The following NTN4 variants were observed in gnomAD, a reference collection of about 807,000 sequenced individuals.
NTN4 encodes netrin-4.
Under a neutral mutation model 73.6 loss-of-function variants are expected in NTN4, and 32 were observed. The ratio of observed to expected loss-of-function variants is 0.44; its 90% CI spans 0.33 to 0.58. NTN4 has a LOEUF of 0.58. Among genes scored for constraint, NTN4 ranks in the 20% least tolerant of loss-of-function variants. NTN4 has a pLI of 0.04. For synonymous variants in NTN4, 258 were observed against 287.5 expected (o/e 0.90, Z 1.04); for missense variants, 654 against 798.3 (o/e 0.82, Z 2.18).
intron 7 of NTN4, among the ~76,000 whole-genome samples, chr12:95,678,526 C>T (rs898890486): frequency 1.3e-5 from 2 of 152,020 alleles, no homozygotes; most frequent in African/African-American, 4.8e-5. Flanking sequence ...ATGACATTTA[C>T]TTGATAAAGG....
intron 2 of NTN4, among the ~76,000 whole-genome samples, chr12:95,764,389 G>A (rs533574111): frequency 6.6e-6 from 1 of 152,346 alleles, no homozygotes; most frequent in East Asian, 1.9e-4. Flanking sequence ...AGCTGGCCGG[G>A]CACAGTGGCT....
chr12:95,749,624 T>C (rs2078888920), intron 2 of NTN4, among the ~76,000 whole-genome samples: 1 of 152,206 alleles, frequency 6.6e-6, no homozygotes, highest in Non-Finnish European at 1.5e-5. Context: ...CAGCCTTCCC[T>C]TGGTGTTTAA....
intron 9 of NTN4, among the ~76,000 whole-genome samples, chr12:95,664,327 A>C (rs2078162542): frequency 6.6e-6 from 1 of 152,102 alleles, no homozygotes; most frequent in Non-Finnish European, 1.5e-5. Context: ...TAAAGTACTG[A>C]GATTACAGGC....
chr12:95,740,001 G>A (rs1220138582), intron 2 of NTN4: 1 of 152,264 alleles, frequency 6.6e-6, no homozygotes, highest in Non-Finnish European at 1.5e-5. Flanking sequence ...GAGCTGAATG[G>A]CGGCTCTGTG....
chr12:95,693,735 GAAA>G (rs11327868), intron 5 of NTN4, among the ~76,000 whole-genome samples: 5 of 118,172 alleles, frequency 4.2e-5, no homozygotes, highest in Non-Finnish European at 3.5e-5. Flanking sequence ...TGTCTCAATT[GAAA>G]AAAAAAAAAA....
intron 2 of NTN4, among the ~76,000 whole-genome samples, chr12:95,770,022 G>A (rs2079046629): frequency 6.6e-6 from 1 of 152,156 alleles, no homozygotes; most frequent in South Asian, 2.1e-4. Flanking sequence ...CTCCCAAAGT[G>A]CTGGGATTAC....
At chr12:95,740,495 C>T (rs1009095874) in intron 2 of NTN4, among the ~76,000 whole-genome samples, 10 of 152,152 alleles carry the variant, frequency 6.6e-5, no homozygotes, top group African/African-American at 2.2e-4. Context: ...TCAGGGATTG[C>T]GCTTTTTGAC....
chr12:95,699,128 C>A (rs1459563757), intron 5 of NTN4, among the ~76,000 whole-genome samples: 1 of 151,182 alleles, frequency 6.6e-6, no homozygotes, highest in African/African-American at 2.4e-5. Context: ...CATATTGATT[C>A]TATGCTGGAA....
chr12:95,770,992 GT>G (rs762519015), intron 2 of NTN4, among the ~76,000 whole-genome samples: 9 of 70,818 alleles, frequency 1.3e-4, no homozygotes, highest in East Asian at 6.0e-4. Context: ...AAAAGAATTT[GT>G]TTTTTTTTTT....
intron 7 of NTN4, among the ~76,000 whole-genome samples, chr12:95,681,643 CAAG>C (rs1270380683): frequency 2.6e-5 from 4 of 152,126 alleles, no homozygotes; most frequent in Admixed American, 2.6e-4. Flanking sequence ...TGCTTTTCTA[CAAG>C]AAGAGAATAG....
intron 3 of NTN4, among the ~76,000 whole-genome samples, chr12:95,720,628 G>T (rs1211599067): frequency 6.6e-6 from 1 of 152,118 alleles, no homozygotes; most frequent in Non-Finnish European, 1.5e-5. Flanking sequence ...AGAAGGCAGG[G>T]TGATAATTAT....
At chr12:95,764,795 G>A (rs1045787518) in intron 2 of NTN4, among the ~76,000 whole-genome samples, 1 of 152,024 alleles carries the variant, frequency 6.6e-6, no homozygotes, top group African/African-American at 2.4e-5. Flanking sequence ...ATGAGTGTGT[G>A]TGAAAGTTTT....
chr12:95,673,593 T>A (rs2078250805), intron 7 of NTN4: 1 of 152,254 alleles, frequency 6.6e-6, no homozygotes, highest in Non-Finnish European at 1.5e-5. Context: ...TTGGGATCAA[T>A]CCTGAATTTA....
intron 2 of NTN4, among the ~76,000 whole-genome samples, chr12:95,748,948 C>A (rs2078882879): frequency 6.6e-6 from 1 of 152,162 alleles, no homozygotes; most frequent in Non-Finnish European, 1.5e-5. Flanking sequence ...ACTGAAGAAT[C>A]ACAAAAGAAG....
chr12:95,697,865 G>A (rs57165512), intron 5 of NTN4, among the ~76,000 whole-genome samples: 1 of 151,972 alleles, frequency 6.6e-6, no homozygotes, highest in Non-Finnish European at 1.5e-5. Context: ...ATTATATACA[G>A]TCATCCCTCA....
intron 2 of NTN4, among the ~76,000 whole-genome samples, chr12:95,777,235 A>G (rs938240523): frequency 4.6e-5 from 7 of 152,252 alleles, no homozygotes; most frequent in African/African-American, 1.7e-4. Flanking sequence ...CATCAATGCT[A>G]GGAAGAAACT....
intron 7 of NTN4, among the ~76,000 whole-genome samples, chr12:95,675,908 C>T (rs1014435049): frequency 5.9e-5 from 9 of 152,108 alleles, no homozygotes; most frequent in African/African-American, 1.7e-4. Context: ...GTACACAAAA[C>T]TCCAAACTAT....
chr12:95,673,984 T>C (rs1231557048), intron 7 of NTN4: 1 of 152,146 alleles, frequency 6.6e-6, no homozygotes, highest in African/African-American at 2.4e-5. Context: ...AAAGGAGTTA[T>C]GTGCAATTAA....
chr12:95,707,536 T>G (rs2078529623), intron 5 of NTN4, among the ~76,000 whole-genome samples: 2 of 152,162 alleles, frequency 1.3e-5, no homozygotes, highest in South Asian at 4.1e-4. Context: ...AAGCCCTTGG[T>G]TCCCTGGATC....
Sources: gnomAD v4.1 joint callset for allele counts (sites outside exome capture counted in the v4.1 genomes callset) on GRCh38, gnomAD v4.1.1 for gene constraint, MANE v1.5 for transcripts, NCBI Gene and HGNC (gene_info 2026-07-23, HGNC 2026-07-21) for gene names.